Variants in MALRD1 observed in about 807,000 individuals in gnomAD.
MALRD1 encodes MAM and LDL receptor class A domain containing 1.
In MALRD1, 247 loss-of-function variants were observed where a neutral mutation model predicts 242.1. That is an observed-to-expected ratio of 1.02 (90% CI 0.92 to 1.13). MALRD1 has a LOEUF of 1.13. MALRD1 is among the 50% of genes most tolerant of loss of function. The pLI is 0.00. For synonymous variants in MALRD1, 995 were observed against 866.6 expected (o/e 1.15, Z -2.60); for missense variants, 2,989 against 2,533.1 (o/e 1.18, Z -3.86).
intron 36 of MALRD1, among the ~76,000 whole-genome samples, chr10:19,652,927 T>G (rs1004349770): frequency 6.6e-6 from 1 of 152,192 alleles, no homozygotes; most frequent in Non-Finnish European, 1.5e-5. Context: ...ACAATCTGTC[T>G]AAGTGCCAGA....
At chr10:19,227,509 T>A (rs1247454216) in intron 18 of MALRD1, among the ~76,000 whole-genome samples, 1 of 152,038 alleles carries the variant, frequency 6.6e-6, no homozygotes, top group Non-Finnish European at 1.5e-5. Context: ...ATATAAAAAG[T>A]ATAAAGCTTA....
chr10:19,147,626 A>C (rs1287593107), intron 11 of MALRD1, among the ~76,000 whole-genome samples: 1 of 152,242 alleles, frequency 6.6e-6, no homozygotes, highest in Non-Finnish European at 1.5e-5. Context: ...CTGGATGCAC[A>C]AAGATGGATG....
chr10:19,269,714 T>C (rs1840124645), intron 19 of MALRD1, among the ~76,000 whole-genome samples: 1 of 152,238 alleles, frequency 6.6e-6, no homozygotes, highest in Non-Finnish European at 1.5e-5. Flanking sequence ...TTAGCTCTTT[T>C]AGTGCTCTTC....
At chr10:19,430,276 G>A (rs1041904050) in intron 28 of MALRD1, among the ~76,000 whole-genome samples, 8 of 150,976 alleles carry the variant, frequency 5.3e-5, no homozygotes, top group South Asian at 2.1e-4. Flanking sequence ...CACCATGCCC[G>A]GCTAATTTTG....
Position 19,427,264 on chromosome 10 carries a change from C to T in MALRD1, c.4846-23043C>T, listed in dbSNP as rs146870175. Among the ~76,000 whole-genome samples, 140 of 152,248 alleles carry T rather than the reference C, an allele frequency of 9.2e-4. 1 individual carries two copies. The highest frequency in any genetic ancestry group is 6.6e-3 in the East Asian group (34 of 5,180). ...GGGCATTTGGGTCTCAGTCCTCTTG[C>T]CCAAGGCTTTAAGGGACATACACAG... is the stretch of plus-strand genomic sequence containing the variant. On this transcript the variant is annotated intron_variant, in intron 28 of 39. Coordinates refer to ENST00000454679, the MANE Select transcript of MALRD1 (RefSeq NM_001142308.3).
chr10:19,408,828 T>A (rs2130877130), intron 28 of MALRD1, among the ~76,000 whole-genome samples: 1 of 152,306 alleles, frequency 6.6e-6, no homozygotes, highest in Admixed American at 6.5e-5. Context: ...ACATTGCTCC[T>A]GAGAATATAA....
chr10:19,340,609 A>G (rs1843806161), intron 24 of MALRD1, among the ~76,000 whole-genome samples: 1 of 152,274 alleles, frequency 6.6e-6, no homozygotes, highest in South Asian at 2.1e-4. Context: ...GTGGGATAGA[A>G]AAGTGTACTC....
rs116591552 is a variant in MALRD1 at position 19,051,139 on chromosome 10, A to G, written c.199+2002A>G. On this transcript the variant is annotated intron_variant, in intron 1 of 39. Transcript: ENST00000454679. ...AGATAAAAATTGAGAATCACTTTAAAGCATGAATTTCTTTTGTATATCACA... is the reference window on the plus strand; with the variant it reads ...AGATAAAAATTGAGAATCACTTTAAGGCATGAATTTCTTTTGTATATCACA... 2.6e-3 allele frequency among the ~76,000 whole-genome samples: 401 copies of G among 152,338 alleles called. 3 individuals carry two copies. Among genetic ancestry groups the G allele is most frequent in the African/African-American group, 9.3e-3 (388 of 41,572 alleles).
chr10:19,700,053 C>T (rs184995777), intron 38 of MALRD1, among the ~76,000 whole-genome samples: 81 of 151,938 alleles, frequency 5.3e-4, no homozygotes, highest in African/African-American at 1.6e-3. Flanking sequence ...CACACACACA[C>T]ACACACACGA....
chr10:19,068,414 A>G lies in MALRD1; in HGVS notation c.340+1555A>G, dbSNP rs114696743. 1.3e-3 allele frequency among the ~76,000 whole-genome samples: 203 copies of G among 152,146 alleles called. 1 individual carries two copies. The highest frequency in any genetic ancestry group is 4.5e-3 in the African/African-American group (188 of 41,556). ...TAGGCAGATACCATAGAACGATGTCATCTGGGTTGACTTAAAATCTCTGGA... is the reference window on the plus strand; with the variant it reads ...TAGGCAGATACCATAGAACGATGTCGTCTGGGTTGACTTAAAATCTCTGGA... On this transcript the variant is annotated intron_variant, in intron 2 of 39. Transcript: ENST00000454679.
chr10:19,384,386 A>G lies in MALRD1; in HGVS notation c.4442-3142A>G, dbSNP rs1340106230. Among the ~76,000 whole-genome samples the G allele has an allele frequency of 4.2e-5, 4 of 95,512 alleles. No individual in the cohort carries two copies. In the East Asian group the frequency reaches 1.1e-3, roughly 25 times the overall value. 62.7% of individuals were successfully genotyped at this position (95,512 alleles called of 152,430 possible). ...TATAGTATATAATATAATATTTACT[A>G]TATATTATATATTATATAGTATATA... On this transcript the variant is annotated intron_variant, in intron 26 of 39. Transcript: ENST00000454679.
intron 32 of MALRD1, among the ~76,000 whole-genome samples, chr10:19,558,786 G>A (rs1272650033): frequency 1.3e-5 from 2 of 152,138 alleles, no homozygotes; most frequent in African/African-American, 2.4e-5. Context: ...AGATATAGGT[G>A]TAGTCAGATT....
chr10:19,618,914 G>T (rs969771552), intron 36 of MALRD1, among the ~76,000 whole-genome samples: 8 of 151,938 alleles, frequency 5.3e-5, no homozygotes, highest in African/African-American at 1.9e-4. Flanking sequence ...GACGATGCTT[G>T]CAGTTTCTCT....
At chr10:19,172,272 A>AT (rs1835048106) in intron 13 of MALRD1, among the ~76,000 whole-genome samples, 2 of 148,852 alleles carry the variant, frequency 1.3e-5, no homozygotes, top group Non-Finnish European at 3.0e-5. Context: ...AGCCAAGGTG[A>AT]TTTTGAAACC....
intron 36 of MALRD1, among the ~76,000 whole-genome samples, chr10:19,619,384 T>C (rs1167743214): frequency 6.6e-6 from 1 of 152,054 alleles, no homozygotes; most frequent in Non-Finnish European, 1.5e-5. Context: ...AAACGACCTG[T>C]TGAAAATCAG....
chr10:19,253,710 A>G (rs1420158513), intron 18 of MALRD1, among the ~76,000 whole-genome samples: 1 of 152,004 alleles, frequency 6.6e-6, no homozygotes, highest in Non-Finnish European at 1.5e-5. Flanking sequence ...CAACCACTAC[A>G]ACCAAAATAG....
intron 21 of MALRD1, among the ~76,000 whole-genome samples, chr10:19,298,368 C>T (rs1841803989): frequency 6.6e-6 from 1 of 151,968 alleles, no homozygotes; most frequent in South Asian, 2.1e-4. Flanking sequence ...CACTGCCACA[C>T]TGGAGATCAA....
chr10:19,363,134 C>G (rs1253679612), intron 26 of MALRD1, among the ~76,000 whole-genome samples: 1 of 151,748 alleles, frequency 6.6e-6, no homozygotes, highest in Non-Finnish European at 1.5e-5. Flanking sequence ...TTGAGGGAGG[C>G]CTGAGAGGCA....
At chr10:19,196,689 C>T (rs1184945543) in intron 14 of MALRD1, among the ~76,000 whole-genome samples, 1 of 152,118 alleles carries the variant, frequency 6.6e-6, no homozygotes, top group Admixed American at 6.6e-5. Context: ...CTAATAGGAA[C>T]AGCAAGTGCA....
Sources: gnomAD v4.1 joint callset for allele counts (sites outside exome capture counted in the v4.1 genomes callset) on GRCh38, gnomAD v4.1.1 for gene constraint, MANE v1.5 for transcripts, NCBI Gene and HGNC (gene_info 2026-07-23, HGNC 2026-07-21) for gene names.